The following LINGO2 variants were observed in gnomAD, a reference collection of about 807,000 sequenced individuals.
LINGO2 encodes leucine rich repeat and Ig domain containing 2.
Under a neutral mutation model 30.6 loss-of-function variants are expected in LINGO2, and 14 were observed. The ratio of observed to expected loss-of-function variants is 0.46; its 90% CI spans 0.30 to 0.72. The LOEUF (loss-of-function observed/expected upper bound fraction) is 0.72, where lower values mean the gene tolerates loss of function less well. Ranked by LOEUF, LINGO2 falls within the 30% of genes least tolerant of loss-of-function variation. LINGO2 has a pLI of 0.07. For missense variants in LINGO2, 729 were observed against 751.7 expected, an observed-to-expected ratio of 0.97 and a Z score of 0.35; for synonymous variants, 317 against 288.5, an observed-to-expected ratio of 1.10 and a Z score of -1.00.
intron 4 of LINGO2, among the ~76,000 whole-genome samples, chr9:28,191,581 T>C (rs939527283): frequency 6.6e-6 from 1 of 152,160 alleles, no homozygotes; most frequent in Non-Finnish European, 1.5e-5. Context: ...TCTTCCATCT[T>C]CTTTGCTTCC....
the LINGO2 span, among the ~76,000 whole-genome samples, chr9:28,793,299 T>C: frequency 2.6e-5 from 4 of 152,182 alleles, no homozygotes; most frequent in African/African-American, 9.7e-5. Context: ...TACAAGAAGA[T>C]ATGGGATGAT....
the LINGO2 span, among the ~76,000 whole-genome samples, chr9:29,150,186 G>C: frequency 2.6e-5 from 4 of 152,130 alleles, no homozygotes; most frequent in Admixed American, 1.3e-4. Flanking sequence ...TTCATTGTCT[G>C]TGAATACTAG....
At chr9:28,872,210 T>C in the LINGO2 span, among the ~76,000 whole-genome samples, 2 of 152,086 alleles carry the variant, frequency 1.3e-5, no homozygotes, top group Non-Finnish European at 2.9e-5. Context: ...GTTTTAATGA[T>C]TCCCAAAAAG....
chr9:29,209,351 C>A, the LINGO2 span, among the ~76,000 whole-genome samples: 17 of 152,046 alleles, frequency 1.1e-4, no homozygotes, highest in Non-Finnish European at 1.8e-4. Context: ...ACCTTCTAGT[C>A]AATTTTTGTA....
intron 5 of LINGO2, among the ~76,000 whole-genome samples, chr9:27,997,407 T>C (rs1352923214): frequency 6.6e-6 from 1 of 151,364 alleles, no homozygotes; most frequent in Non-Finnish European, 1.5e-5. Flanking sequence ...CCTCCCCCCG[T>C]CATAAGTGAG....
At chr9:28,448,404 T>G (rs1169493580) in intron 2 of LINGO2, among the ~76,000 whole-genome samples, 1 of 152,138 alleles carries the variant, frequency 6.6e-6, no homozygotes, top group East Asian at 1.9e-4. Flanking sequence ...AGCATTCTGA[T>G]GTTTAAATTT....
intron 2 of LINGO2, among the ~76,000 whole-genome samples, chr9:28,395,995 T>C (rs982950885): frequency 6.6e-6 from 1 of 152,136 alleles, no homozygotes; most frequent in Non-Finnish European, 1.5e-5. Context: ...ATGTTAAAAA[T>C]AGGAGTATCC....
chr9:28,356,041 C>G (rs543253339), intron 3 of LINGO2, among the ~76,000 whole-genome samples: 1 of 152,136 alleles, frequency 6.6e-6, no homozygotes, highest in East Asian at 1.9e-4. Flanking sequence ...AGTGTCTATA[C>G]AGAGCTATTG....
chr9:28,657,319 T>C (rs1563897478), intron 1 of LINGO2, among the ~76,000 whole-genome samples: 1 of 152,118 alleles, frequency 6.6e-6, no homozygotes, highest in African/African-American at 2.4e-5. Flanking sequence ...TTGAAAAGTA[T>C]TACTGTTAAT....
chr9:27,937,837 T>G, the LINGO2 span: 2 of 151,936 alleles, frequency 1.3e-5, no homozygotes, highest in African/African-American at 4.8e-5. Flanking sequence ...AAGAAAATAA[T>G]TACAATAGTT....
At chr9:28,350,018 A>G (rs1226984127) in intron 3 of LINGO2, among the ~76,000 whole-genome samples, 4 of 152,102 alleles carry the variant, frequency 2.6e-5, no homozygotes, top group Admixed American at 6.5e-5. Flanking sequence ...ATGGAAAGGA[A>G]CAACCGGTAC....
chr9:28,294,640 A>C (rs1302923895), intron 4 of LINGO2, among the ~76,000 whole-genome samples: 1 of 152,184 alleles, frequency 6.6e-6, no homozygotes, highest in Non-Finnish European at 1.5e-5. Context: ...TACTTGAATA[A>C]GAGTGCAATG....
chr9:28,834,847 G>C, the LINGO2 span, among the ~76,000 whole-genome samples: 1 of 152,062 alleles, frequency 6.6e-6, no homozygotes, highest in Non-Finnish European at 1.5e-5. Flanking sequence ...TGAATCACTT[G>C]ACTTCAGTTG....
At chr9:28,098,076 G>T (rs1826300222) in intron 4 of LINGO2, among the ~76,000 whole-genome samples, 1 of 152,144 alleles carries the variant, frequency 6.6e-6, no homozygotes, top group South Asian at 2.1e-4. Context: ...AGGCCGTGGA[G>T]AGTGCATCAC....
intron 4 of LINGO2, among the ~76,000 whole-genome samples, chr9:28,046,982 G>A (rs1824450799): frequency 6.6e-6 from 1 of 152,092 alleles, no homozygotes; most frequent in African/African-American, 2.4e-5. Flanking sequence ...AAGCATCCTG[G>A]CTGCAAGATA....
chr9:28,073,952 C>A (rs1825552559), intron 4 of LINGO2, among the ~76,000 whole-genome samples: 1 of 152,072 alleles, frequency 6.6e-6, no homozygotes, highest in Admixed American at 6.6e-5. Context: ...TTTCAAAATA[C>A]CAGTATTCAT....
At position 28,589,281 on chromosome 9, in the gene LINGO2, G is replaced by C. The variant is rs137938822; in HGVS notation, c.-365+80919C>G. ...TCTCTCACCACTCCTATTCAACATAGTGTTGGAAGTTCTGGCCAGGGCAGT... is the reference window on the plus strand; with the variant it reads ...TCTCTCACCACTCCTATTCAACATACTGTTGGAAGTTCTGGCCAGGGCAGT... On this transcript the variant is annotated intron_variant, in intron 1 of 5. Transcript: ENST00000379992. Among the ~76,000 whole-genome samples, 893 of 152,176 alleles carry C rather than the reference G, an allele frequency of 5.9e-3. 10 individuals are homozygous for C. Among genetic ancestry groups the C allele is most frequent in the African/African-American group, 0.021 (861 of 41,530 alleles).
intron 3 of LINGO2, among the ~76,000 whole-genome samples, chr9:28,306,793 A>G (rs1219500787): frequency 3.3e-5 from 5 of 152,216 alleles, no homozygotes; most frequent in Non-Finnish European, 7.3e-5. Context: ...AGAGAATACT[A>G]CAAACACCTC....
chr9:28,627,782 A>T (rs765569641), intron 1 of LINGO2, among the ~76,000 whole-genome samples: 1 of 152,072 alleles, frequency 6.6e-6, no homozygotes, highest in African/African-American at 2.4e-5. Context: ...GTAATTAAAA[A>T]TATGCACATA....
Sources: allele counts gnomAD v4.1 joint callset (sites outside exome capture counted in the v4.1 genomes callset), GRCh38; gene constraint gnomAD v4.1.1; transcripts MANE v1.5; gene names NCBI Gene and HGNC (gene_info 2026-07-23, HGNC 2026-07-21).